ACP7: variants seen among roughly 807,000 people sequenced by gnomAD.
ACP7 encodes acid phosphatase type 7.
In ACP7, 58 loss-of-function variants were observed where a neutral mutation model predicts 60.6. The observed-to-expected ratio is 0.96, with a 90% CI of 0.77 to 1.19. The LOEUF (loss-of-function observed/expected upper bound fraction) is 1.19. ACP7 is among the 50% of genes most tolerant of loss of function. ACP7 has a pLI of 0.00. For synonymous variants in ACP7, 237 were observed against 232.6 expected (o/e 1.02, Z -0.17); for missense variants, 574 against 596.2 (o/e 0.96, Z 0.39).
chr19:39,087,552 C>T (rs762324966), intron 2 of ACP7, among the ~76,000 whole-genome samples: 5 of 151,974 alleles, frequency 3.3e-5, no homozygotes, highest in Admixed American at 6.6e-5. Flanking sequence ...ACCTCAACTC[C>T]GAGACTCAAG....
At position 39,085,192 on chromosome 19, in the gene ACP7, C is replaced by A; in HGVS notation, c.-78C>A. 2.0e-6 allele frequency: 3 copies of A among 1,516,012 alleles called. No individual in the cohort carries two copies. The highest frequency in any genetic ancestry group is 2.7e-6 in the Non-Finnish European group (3 of 1,125,826). 93.9% of individuals were successfully genotyped at this position (1,516,012 alleles called of 1,614,324 possible). A position where few individuals can be genotyped will look rare whatever the true frequency, so the allele number is the denominator to read the frequency against. The stretch of plus-strand genomic sequence containing the variant: ...TCCTCTGTTCCCCATCCTCCCAGCC[C>A]TTCCTGCTGTACCTGTGGGGAGCTG... On this transcript the variant is annotated 5_prime_UTR_variant, in exon 2 of 13. Coordinates refer to ENST00000331256, the MANE Select transcript of ACP7 (RefSeq NM_001004318.3).
rs141185687 is a variant in ACP7 at position 39,109,875 on chromosome 19, A to G, written c.1252-178A>G. On this transcript the variant is annotated intron_variant, in intron 12 of 12. Coordinates refer to ENST00000331256, the MANE Select transcript of ACP7 (RefSeq NM_001004318.3). ...CTCCCACAACATCTATGATGTGGGT[A>G]CTGTTACTCTTCCTATCACTTTTCA... is the stretch of plus-strand genomic sequence containing the variant. Among the ~76,000 whole-genome samples the G allele has an allele frequency of 4.0e-4, 61 of 152,178 alleles. 1 individual carries two copies. The East Asian group carries it at 6.6e-3, about 16-fold the overall frequency.
Position 39,102,120 on chromosome 19 carries a change from T to TCACACACA in ACP7, c.1113+614_1113+621dup, listed in dbSNP as rs561424510. 2.4e-3 allele frequency among the ~76,000 whole-genome samples: 347 copies of TCACACACA among 145,802 alleles called. 1 individual carries two copies. Among genetic ancestry groups the TCACACACA allele is most frequent in the African/African-American group, 7.6e-3 (295 of 38,708 alleles). ...GGGCAACAAAATGAGACCCTTTCTC[T>TCACACACA]CACACACACACACACACACACACAC... is the stretch of plus-strand genomic sequence containing the variant. On this transcript the variant is annotated intron_variant, in intron 11 of 12. Coordinates refer to ENST00000331256, the MANE Select transcript of ACP7 (RefSeq NM_001004318.3).
chr19:39,102,218 T>C (rs564100405), intron 11 of ACP7, among the ~76,000 whole-genome samples: 12 of 148,566 alleles, frequency 8.1e-5, no homozygotes, highest in African/African-American at 1.0e-4. Context: ...CTTTGGGAGG[T>C]TGAGGCAGGA....
Position 39,094,866 on chromosome 19 carries a change from A to G in ACP7, c.122-3592A>G, listed in dbSNP as rs181614444. Among the ~76,000 whole-genome samples, 62 of 152,314 alleles carry G rather than the reference A, an allele frequency of 4.1e-4. No individual in the cohort carries two copies. The East Asian group carries it at 7.7e-3, about 19-fold the overall frequency. On this transcript the variant is annotated intron_variant, in intron 2 of 12. Coordinates refer to ENST00000331256, the MANE Select transcript of ACP7 (RefSeq NM_001004318.3). ...ACATGGCTGGGGAGGCCTGAGAATC[A>G]TGACAGGAGGTGAAAGGCACTTCTT...
Position 39,100,583 on chromosome 19 carries a change from C to T in ACP7, c.633C>T (p.Asn211=). 1 of 1,613,908 alleles carries T rather than the reference C, an allele frequency of 6.2e-7. No individual in the cohort carries two copies. Among genetic ancestry groups the T allele is most frequent in the Non-Finnish European group, 8.5e-7 (1 of 1,179,868 alleles). ...CCTTGTACTTCCTTTATTCCAGCAACTTCTCTAACTACAAGGCTCGCTTCA... is the reference window on the plus strand; with the variant it reads ...CCTTGTACTTCCTTTATTCCAGCAATTTCTCTAACTACAAGGCTCGCTTCA... ...TCPGNHEERY[N]FSNYKARFSM... Residue 211 remains asparagine, a synonymous_variant, in exon 6 of 13, where the codon AAC becomes AAT. Coordinates refer to ENST00000331256, the MANE Select transcript of ACP7 (RefSeq NM_001004318.3).
intron 2 of ACP7, among the ~76,000 whole-genome samples, chr19:39,097,701 C>G (rs2073283008): frequency 6.6e-6 from 1 of 151,878 alleles, no homozygotes; most frequent in Non-Finnish European, 1.5e-5. Flanking sequence ...CCTCCAGACA[C>G]CCAAGCTGGC....
chr19:39,096,119 C>T (rs1169115918), intron 2 of ACP7, among the ~76,000 whole-genome samples: 1 of 152,212 alleles, frequency 6.6e-6, no homozygotes, highest in Non-Finnish European at 1.5e-5. Flanking sequence ...GAACGTTCAT[C>T]TCCTCGTTAC....
rs550171318 is a variant in ACP7, at chr19:39,110,373, G to A, written c.*255G>A. 3.8e-6 allele frequency: 2 copies of A among 523,752 alleles called. No individual in the cohort carries two copies. Among genetic ancestry groups the A allele is most frequent in the Non-Finnish European group, 6.8e-6 (2 of 293,864 alleles). The allele number at this position is 523,752 out of a possible 1,614,324, so 32.4% of individuals were successfully genotyped here. A position where few individuals can be genotyped will look rare whatever the true frequency, so the allele number is the denominator to read the frequency against. On this transcript the variant is annotated 3_prime_UTR_variant, in exon 13 of 13. Coordinates refer to ENST00000331256, the MANE Select transcript of ACP7 (RefSeq NM_001004318.3). ...CACACGGCAGGTTTCTGCTGGCAGG[G>A]CCCCACCCTCCTGCATAGCTCTGAT...
chr19:39,093,517 G>A (rs691795), intron 2 of ACP7, among the ~76,000 whole-genome samples: 3,984 of 152,088 alleles, frequency 0.026, 177 homozygotes, highest in African/African-American at 0.092. Flanking sequence ...GCCTCCCAAA[G>A]TGCTGGGATT....
rs1206026267 is a variant in ACP7, at chr19:39,096,673, T to G, written c.122-1785T>G. ...GTACCAGCTTACTATATTAGTCCAT[T>G]TTCATGCTGCTGATAAAGACATACC... On this transcript the variant is annotated intron_variant, in intron 2 of 12. Transcript: ENST00000331256. Among the ~76,000 whole-genome samples the G allele has an allele frequency of 2.6e-5, 4 of 152,172 alleles. No individual in the cohort carries two copies. In the East Asian group the frequency reaches 5.8e-4, roughly 22 times the overall value.
chr19:39,090,394 C>T (rs1054416031), intron 2 of ACP7, among the ~76,000 whole-genome samples: 2 of 151,962 alleles, frequency 1.3e-5, no homozygotes, highest in Non-Finnish European at 2.9e-5. Flanking sequence ...GTCTTGAATT[C>T]CTGAGCTCAG....
chr19:39,106,701 T>A (rs916828541), intron 11 of ACP7, among the ~76,000 whole-genome samples: 2 of 152,072 alleles, frequency 1.3e-5, no homozygotes, highest in Non-Finnish European at 2.9e-5. Flanking sequence ...TTTTTGTATT[T>A]TTAGTAGAGA....
chr19:39,102,614 C>T (rs972435938), intron 11 of ACP7, among the ~76,000 whole-genome samples: 2 of 151,494 alleles, frequency 1.3e-5, no homozygotes, highest in Admixed American at 6.6e-5. Context: ...TTTGCCTGGC[C>T]CAAATGTCCT....
At position 39,101,334 on chromosome 19, in the gene ACP7, G is replaced by A; in HGVS notation, c.1020G>A (p.Leu340=). 6.2e-7 allele frequency: 1 copy of A among 1,614,196 alleles called. No individual in the cohort carries two copies. The highest frequency in any genetic ancestry group is 8.5e-7 in the Non-Finnish European group (1 of 1,180,044). Reference sequence around the variant, plus strand: ...CTCATGAGCACTCGTATGAACGACTGTGGCCAATTTACAACTACCAGGTGA... The same window carrying A: ...CTCATGAGCACTCGTATGAACGACTATGGCCAATTTACAACTACCAGGTGA... ...LWAHEHSYER[L]WPIYNYQVFN... The change falls in exon 10 of 13, where the codon CTG becomes CTA. Residue 340 remains leucine, a synonymous_variant. Coordinates refer to ENST00000331256, the MANE Select transcript of ACP7 (RefSeq NM_001004318.3).
intron 4 of ACP7, 111 bp from the exon 5 acceptor site, chr19:39,100,116 C>A: frequency 4.8e-6 from 7 of 1,453,854 alleles, no homozygotes; most frequent in South Asian, 1.3e-5. Flanking sequence ...TTGCCTTGGC[C>A]TCCCGAAGCG....
In ACP7 at chr19:39,100,748, G is replaced by C; in HGVS notation, c.702G>C (p.Leu234=). 1.2e-6 allele frequency: 2 copies of C among 1,613,934 alleles called. No individual in the cohort carries two copies. Among genetic ancestry groups the C allele is most frequent in the African/African-American group, 1.3e-5 (1 of 74,998 alleles). ...CCTTTGACTCCTCCAGCTGGGATCT[G>C]GGTCCCGCCCACATCATCTCCTTCT... ...DNEGLWYSWD[L]GPAHIISFST... The change falls in exon 7 of 13, where the codon CTG becomes CTC. Residue 234 remains leucine, a synonymous_variant. Transcript: ENST00000331256.
intron 11 of ACP7, among the ~76,000 whole-genome samples, chr19:39,105,537 T>C (rs2073402067): frequency 6.6e-6 from 1 of 152,116 alleles, no homozygotes; most frequent in Non-Finnish European, 1.5e-5. Flanking sequence ...GGTGTCTTTT[T>C]TGAGTTAGGA....
At chr19:39,106,921 G>A (rs769328930) in intron 11 of ACP7, 26 bp from the exon 12 acceptor site, 4 of 1,612,344 alleles carry the variant, frequency 2.5e-6, no homozygotes, top group South Asian at 2.2e-5. Flanking sequence ...ACCTGCTCTG[G>A]GTCTGATCAG....
Sources: allele counts gnomAD v4.1 joint callset (sites outside exome capture counted in the v4.1 genomes callset), GRCh38; gene constraint gnomAD v4.1.1; transcripts MANE v1.5; gene names NCBI Gene and HGNC (gene_info 2026-07-23, HGNC 2026-07-21).